Variants in RFX4 observed in about 807,000 individuals in gnomAD.
The protein encoded by RFX4 is regulatory factor X4, also known as transcription factor RFX4.
A neutral mutation model predicts 95.0 loss-of-function variants in RFX4; 10 were observed. The observed-to-expected ratio is 0.11, with a 90% CI of 0.06 to 0.18. The LOEUF (loss-of-function observed/expected upper bound fraction) is 0.18, where lower values mean the gene tolerates loss of function less well. Among genes scored for constraint, RFX4 ranks in the 10% least tolerant of loss-of-function variants. The probability of loss-of-function intolerance (pLI) is 1.00; values close to 1 mark genes in which losing one functional copy is unlikely to be tolerated. For missense variants in RFX4, 640 were observed against 922.0 expected, an observed-to-expected ratio of 0.69 and a Z score of 3.96; for synonymous variants, 321 against 340.7, an observed-to-expected ratio of 0.94 and a Z score of 0.64.
At position 106,761,597 on chromosome 12, in the gene RFX4, T is replaced by C. The variant is rs1011259504; in HGVS notation, c.*128T>C. On this transcript the variant is annotated 3_prime_UTR_variant, in exon 18 of 18. Coordinates refer to ENST00000392842, the MANE Select transcript of RFX4 (RefSeq NM_213594.3). ...CTCATGGGCTATTCCTAAGTGCCCATTTTCCTAATGAACATGAGGATGGGA... is the reference window on the plus strand; with the variant it reads ...CTCATGGGCTATTCCTAAGTGCCCACTTTCCTAATGAACATGAGGATGGGA... 2 of 608,554 alleles carry C rather than the reference T, an allele frequency of 3.3e-6. No individual in the cohort carries two copies. The highest frequency in any genetic ancestry group is 4.5e-6 in the Non-Finnish European group (2 of 442,816). The allele number at this position is 608,554 out of a possible 1,614,324, so 37.7% of individuals were successfully genotyped here.
chr12:106,733,148 C>T lies in RFX4; in HGVS notation c.1633+63C>T, dbSNP rs113380495. 1.6e-3 allele frequency: 2,536 copies of T among 1,555,110 alleles called. 45 individuals carry two copies. The African/African-American group carries it at 0.03, about 19-fold the overall frequency. On this transcript the variant is annotated intron_variant, in intron 15 of 17. Coordinates refer to ENST00000392842, the MANE Select transcript of RFX4 (RefSeq NM_213594.3). ...GTTTGAAGAAAGGGCTTTCTGCCAG[C>T]CTGGGCAACATAGTGAGACTTCATT...
At chr12:106,721,010 T>C in intron 13 of RFX4, 134 bp downstream of exon 13, 1 of 739,524 alleles carries the variant, frequency 1.4e-6, no homozygotes, top group Non-Finnish European at 2.3e-6. Context: ...TGGGGAGACA[T>C]GACATTGTTA....
intron 17 of RFX4, 90 bp downstream of exon 17, chr12:106,750,883 G>C: frequency 8.5e-6 from 10 of 1,176,916 alleles, no homozygotes; most frequent in African/African-American, 1.6e-5. Context: ...TATGCATACT[G>C]TGTGTGCAGC....
Position 106,635,673 on chromosome 12 carries a change from A to G in RFX4, c.131-3659A>G, listed in dbSNP as rs571703932. Among the ~76,000 whole-genome samples the G allele has an allele frequency of 6.9e-4, 105 of 152,238 alleles. 1 individual carries two copies. Among genetic ancestry groups the G allele is most frequent in the African/African-American group, 2.4e-3 (99 of 41,550 alleles). On this transcript the variant is annotated intron_variant, in intron 2 of 17. Transcript: ENST00000392842. ...TTATTTGCTCAGTATTATAATTTCTAGAAGTTGGGTTGTGAGGACAAGCAG... is the reference window on the plus strand; with the variant it reads ...TTATTTGCTCAGTATTATAATTTCTGGAAGTTGGGTTGTGAGGACAAGCAG...
At chr12:106,633,247 G>C (rs2137265572) in intron 2 of RFX4, among the ~76,000 whole-genome samples, 1 of 152,278 alleles carries the variant, frequency 6.6e-6, no homozygotes, top group Admixed American at 6.5e-5. Flanking sequence ...TTGGCTTTGG[G>C]GTAGACCAGT....
At chr12:106,738,884 T>G (rs1474572663) in intron 15 of RFX4, among the ~76,000 whole-genome samples, 1 of 152,196 alleles carries the variant, frequency 6.6e-6, no homozygotes, top group Non-Finnish European at 1.5e-5. Flanking sequence ...ACGGTAGGCT[T>G]CTTAAATTTT....
At chr12:106,627,264 A>G (rs1031107677) in intron 2 of RFX4, among the ~76,000 whole-genome samples, 1 of 152,210 alleles carries the variant, frequency 6.6e-6, no homozygotes, top group Non-Finnish European at 1.5e-5. Context: ...CGGGCCGGAC[A>G]CAGTGGCTCA....
At chr12:106,589,310 C>T (rs1252999679) in intron 1 of RFX4, among the ~76,000 whole-genome samples, 3 of 152,154 alleles carry the variant, frequency 2.0e-5, no homozygotes, top group Admixed American at 6.5e-5. Context: ...TGAAGATGAA[C>T]AAGGTCACAG....
At chr12:106,662,026 C>T (rs1182748429) in intron 4 of RFX4, among the ~76,000 whole-genome samples, 1 of 152,152 alleles carries the variant, frequency 6.6e-6, no homozygotes, top group Non-Finnish European at 1.5e-5. Context: ...TATAAATATG[C>T]ATGTGCAGGT....
intron 1 of RFX4, among the ~76,000 whole-genome samples, chr12:106,604,492 T>A (rs758680993): frequency 6.6e-6 from 1 of 152,118 alleles, no homozygotes; most frequent in Non-Finnish European, 1.5e-5. Flanking sequence ...GAATTTTGCT[T>A]TATTTGGAAA....
chr12:106,755,081 T>C (rs77937983), intron 17 of RFX4, among the ~76,000 whole-genome samples: 69 of 152,304 alleles, frequency 4.5e-4, no homozygotes, highest in African/African-American at 1.5e-3. Context: ...ACTCACTTAA[T>C]TGCCCTAACA....
At chr12:106,605,877 G>A (rs1399981380) in intron 1 of RFX4, among the ~76,000 whole-genome samples, 1 of 152,194 alleles carries the variant, frequency 6.6e-6, no homozygotes, top group Non-Finnish European at 1.5e-5. Flanking sequence ...ATCTGAGTGG[G>A]TGCAATGGGT....
chr12:106,594,569 G>A (rs900875931), intron 1 of RFX4, among the ~76,000 whole-genome samples: 1 of 152,176 alleles, frequency 6.6e-6, no homozygotes. Flanking sequence ...TCTCGCCTCG[G>A]CTGCCTCACA....
chr12:106,689,340 T>C lies in RFX4; in HGVS notation c.645T>C (p.Thr215=). The change falls in exon 7 of 18, where the codon ACT becomes ACC. Residue 215 remains threonine (T), a synonymous_variant. Coordinates refer to ENST00000392842, the MANE Select transcript of RFX4 (RefSeq NM_213594.3). ...CACACTGTCAGAGAATACTGGACACTGTAATAAGAGCCAACTTTGATGAGG... is the reference window on the plus strand; with the variant it reads ...CACACTGTCAGAGAATACTGGACACCGTAATAAGAGCCAACTTTGATGAGG... ...YRTHCQRILD[T]VIRANFDEVQ... The C allele has an allele frequency of 1.9e-6, 3 of 1,613,932 alleles. No homozygotes were observed. Among genetic ancestry groups the C allele is most frequent in the Non-Finnish European group, 2.5e-6 (3 of 1,179,748 alleles).
At chr12:106,695,643 G>A (rs2041864847) in intron 7 of RFX4, among the ~76,000 whole-genome samples, 1 of 152,140 alleles carries the variant, frequency 6.6e-6, no homozygotes, top group South Asian at 2.1e-4. Context: ...CACTTCATGT[G>A]CCCACATAGC....
At chr12:106,742,480 G>A (rs1008784243) in intron 15 of RFX4, among the ~76,000 whole-genome samples, 2 of 152,084 alleles carry the variant, frequency 1.3e-5, no homozygotes, top group South Asian at 2.1e-4. Context: ...ACTGCGCCTC[G>A]CCAGCTTCTG....
chr12:106,740,960 A>T (rs867461054), intron 15 of RFX4, among the ~76,000 whole-genome samples: 28 of 152,294 alleles, frequency 1.8e-4, no homozygotes, highest in African/African-American at 6.3e-4. Flanking sequence ...AGCTTGGCAT[A>T]GTGGGAACTG....
At position 106,601,224 on chromosome 12, in the gene RFX4, G is replaced by A. The variant is rs755420723; in HGVS notation, c.44-7573G>A. Reference sequence around the variant, plus strand: ...GGGCTTCTCCAAACTCCTGTGTGTCGCCACTGCCACCGGCAGGGAGCCAGG... The same window carrying A: ...GGGCTTCTCCAAACTCCTGTGTGTCACCACTGCCACCGGCAGGGAGCCAGG... On this transcript the variant is annotated intron_variant, in intron 1 of 17. Coordinates refer to ENST00000392842, the MANE Select transcript of RFX4 (RefSeq NM_213594.3). 28 of 1,549,460 alleles carry A rather than the reference G, an allele frequency of 1.8e-5. No individual in the cohort carries two copies. In the Middle Eastern group the frequency reaches 1.1e-3, roughly 59 times the overall value.
intron 10 of RFX4, among the ~76,000 whole-genome samples, chr12:106,713,046 T>C (rs190133587): frequency 6.6e-6 from 1 of 152,292 alleles, no homozygotes; most frequent in East Asian, 1.9e-4. Context: ...ACAAAAACAG[T>C]ATGTAATTTA....
Sources: allele counts gnomAD v4.1 joint callset (sites outside exome capture counted in the v4.1 genomes callset), GRCh38; gene constraint gnomAD v4.1.1; transcripts MANE v1.5; gene names NCBI Gene and HGNC (gene_info 2026-07-23, HGNC 2026-07-21).